The following ZBTB20 variants were observed in gnomAD, a reference collection of about 807,000 sequenced individuals.
ZBTB20 encodes the protein zinc finger and BTB domain-containing protein 20.
A neutral mutation model predicts 56.9 loss-of-function variants in ZBTB20; 9 were observed. The observed-to-expected ratio is 0.16, with a 90% CI of 0.10 to 0.28. The LOEUF is 0.28. Among genes scored for constraint, ZBTB20 ranks in the 10% least tolerant of loss-of-function variants. ZBTB20 has a pLI of 1.00. For synonymous variants in ZBTB20, 417 were observed against 420.7 expected (o/e 0.99, Z 0.11); for missense variants, 655 against 1,003.0 (o/e 0.65, Z 4.69).
At chr3:114,537,692 T>C (rs1221923419) in intron 6 of ZBTB20, among the ~76,000 whole-genome samples, 1 of 152,166 alleles carries the variant, frequency 6.6e-6, no homozygotes, top group Non-Finnish European at 1.5e-5. Flanking sequence ...CACATGTATG[T>C]TTATTGCAGC....
At chr3:114,846,827 C>G (rs140181054) in intron 4 of ZBTB20, among the ~76,000 whole-genome samples, 254 of 152,226 alleles carry the variant, frequency 1.7e-3, no homozygotes, top group African/African-American at 5.5e-3. Context: ...TGGGGCCTTG[C>G]ATTTCTCATA....
chr3:114,719,415 GC>G (rs986313129), intron 5 of ZBTB20, among the ~76,000 whole-genome samples: 2 of 152,024 alleles, frequency 1.3e-5, no homozygotes, highest in African/African-American at 2.4e-5. Flanking sequence ...CGGACTGCCT[GC>G]CTGCCACTGA....
intron 4 of ZBTB20, among the ~76,000 whole-genome samples, chr3:114,851,327 A>T (rs1396474577): frequency 6.6e-6 from 1 of 152,242 alleles, no homozygotes. Flanking sequence ...AGGTATACAC[A>T]CATACACACA....
At chr3:114,774,582 T>C (rs1462908889) in intron 5 of ZBTB20, among the ~76,000 whole-genome samples, 2 of 152,186 alleles carry the variant, frequency 1.3e-5, no homozygotes, top group African/African-American at 4.8e-5. Flanking sequence ...GGCTCATTTA[T>C]AGCAAATTAA....
chr3:114,903,396 A>G (rs1339668455), intron 3 of ZBTB20, among the ~76,000 whole-genome samples: 3 of 152,074 alleles, frequency 2.0e-5, no homozygotes, highest in Non-Finnish European at 4.4e-5. Context: ...AAGGGAAAGC[A>G]TGTCTGTCCC....
intron 7 of ZBTB20, among the ~76,000 whole-genome samples, chr3:114,491,657 T>C (rs2042766019): frequency 2.6e-5 from 4 of 152,180 alleles, no homozygotes; most frequent in Admixed American, 2.6e-4. Context: ...CCTATGCTCT[T>C]CTCTCTTCTG....
At chr3:114,906,835 A>T (rs1242668202) in intron 3 of ZBTB20, among the ~76,000 whole-genome samples, 1 of 150,780 alleles carries the variant, frequency 6.6e-6, no homozygotes, top group African/African-American at 2.4e-5. Context: ...GTTAATACAT[A>T]AAAAAAAATG....
intron 5 of ZBTB20, among the ~76,000 whole-genome samples, chr3:114,764,487 A>C (rs549102055): frequency 1.9e-4 from 29 of 152,256 alleles, no homozygotes; most frequent in Admixed American, 7.2e-4. Flanking sequence ...TCCTGCTTAG[A>C]ACCACCTGCT....
At chr3:114,919,312 G>A (rs962839073) in intron 3 of ZBTB20, among the ~76,000 whole-genome samples, 4 of 151,916 alleles carry the variant, frequency 2.6e-5, no homozygotes, top group East Asian at 1.9e-4. Flanking sequence ...GGTGACCACA[G>A]GAAAAAACCT....
chr3:114,384,826 A>G (rs2084891087), intron 8 of ZBTB20, among the ~76,000 whole-genome samples: 1 of 152,226 alleles, frequency 6.6e-6, no homozygotes, highest in Non-Finnish European at 1.5e-5. Flanking sequence ...CATATTGATG[A>G]TATGGTAGGT....
intron 6 of ZBTB20, among the ~76,000 whole-genome samples, chr3:114,517,737 G>T (rs541449624): frequency 1.3e-5 from 2 of 151,788 alleles, no homozygotes; most frequent in Non-Finnish European, 2.9e-5. Flanking sequence ...TACCATGCCC[G>T]GCTAATTTTT....
chr3:114,663,053 C>A (rs1267676322), intron 6 of ZBTB20, among the ~76,000 whole-genome samples: 2 of 150,270 alleles, frequency 1.3e-5, no homozygotes, highest in Non-Finnish European at 3.0e-5. Context: ...CAAAGATACT[C>A]CTCGAGAAGA....
At chr3:115,057,248 C>T (rs1276748414) in intron 2 of ZBTB20, among the ~76,000 whole-genome samples, 6 of 151,738 alleles carry the variant, frequency 4.0e-5, no homozygotes, top group African/African-American at 1.2e-4. Context: ...CTTTTCTGTC[C>T]CATGTGTTCT....
intron 4 of ZBTB20, among the ~76,000 whole-genome samples, chr3:114,815,708 T>C (rs935369927): frequency 2.6e-5 from 4 of 152,136 alleles, no homozygotes; most frequent in Non-Finnish European, 5.9e-5. Flanking sequence ...TCATGTCATA[T>C]GGAGATTTTA....
intron 8 of ZBTB20, among the ~76,000 whole-genome samples, chr3:114,383,839 T>A (rs1307905787): frequency 6.6e-6 from 1 of 152,218 alleles, no homozygotes; most frequent in African/African-American, 2.4e-5. Context: ...GAGGAAAGAA[T>A]AAGCCCTGTC....
chr3:114,486,480 G>A (rs2042166071), intron 7 of ZBTB20, among the ~76,000 whole-genome samples: 1 of 152,150 alleles, frequency 6.6e-6, no homozygotes, highest in African/African-American at 2.4e-5. Context: ...TATAAAACTG[G>A]TAGAGGAGTA....
chr3:115,066,494 C>A (rs886288653), intron 2 of ZBTB20, among the ~76,000 whole-genome samples: 2 of 152,146 alleles, frequency 1.3e-5, no homozygotes, highest in Non-Finnish European at 2.9e-5. Flanking sequence ...ATACTTCACC[C>A]TGATTTCCAT....
chr3:114,616,803 C>A (rs570269322), intron 6 of ZBTB20, among the ~76,000 whole-genome samples: 1 of 152,298 alleles, frequency 6.6e-6, no homozygotes, highest in South Asian at 2.1e-4. Context: ...AATTTGTAAT[C>A]TTCCCCCATC....
intron 5 of ZBTB20, among the ~76,000 whole-genome samples, chr3:114,706,062 T>G (rs1319027676): frequency 6.6e-6 from 1 of 152,092 alleles, no homozygotes; most frequent in African/African-American, 2.4e-5. Flanking sequence ...GGTCATGATA[T>G]TATAGGAAGA....
Sources: allele counts gnomAD v4.1 joint callset (sites outside exome capture counted in the v4.1 genomes callset), GRCh38; gene constraint gnomAD v4.1.1; transcripts MANE v1.5; gene names NCBI Gene and HGNC (gene_info 2026-07-23, HGNC 2026-07-21).